The following TBCE variants were observed in gnomAD, a reference collection of about 807,000 sequenced individuals.
The protein encoded by TBCE is tubulin folding cofactor E.
A neutral mutation model predicts 77.0 loss-of-function variants in TBCE; 53 were observed. The ratio of observed to expected loss-of-function variants is 0.69; its 90% CI spans 0.55 to 0.87. TBCE has a LOEUF of 0.87. Among genes scored for constraint, TBCE ranks in the 40% least tolerant of loss-of-function variants. The pLI is 0.00. For missense variants in TBCE, 624 were observed against 622.4 expected, an observed-to-expected ratio of 1.00 and a Z score of -0.03; for synonymous variants, 235 against 241.3, an observed-to-expected ratio of 0.97 and a Z score of 0.24.
chr1:235,439,750 A>C (rs1681717200), intron 13 of TBCE, among the ~76,000 whole-genome samples: 1 of 151,680 alleles, frequency 6.6e-6, no homozygotes, highest in South Asian at 2.1e-4. Context: ...GGCCTGTCAA[A>C]GTGCTGAGAT....
At chr1:235,422,794 A>G (rs1680472072) in intron 5 of TBCE, among the ~76,000 whole-genome samples, 1 of 152,114 alleles carries the variant, frequency 6.6e-6, no homozygotes, top group Non-Finnish European at 1.5e-5. Context: ...GCGCCATTGC[A>G]CTCCAGCCTG....
intron 2 of TBCE, among the ~76,000 whole-genome samples, chr1:235,387,941 A>G (rs1407441712): frequency 6.6e-6 from 1 of 152,166 alleles, no homozygotes. Context: ...GATGCACAAT[A>G]AGGTTTGGTG....
At chr1:235,376,254 GCTTC>G (rs978750933) in intron 1 of TBCE, among the ~76,000 whole-genome samples, 1 of 152,090 alleles carries the variant, frequency 6.6e-6, no homozygotes, top group African/African-American at 2.4e-5. Context: ...AATGAGAATG[GCTTC>G]CTAGTGTCTT....
intron 2 of TBCE, among the ~76,000 whole-genome samples, chr1:235,391,323 A>G (rs1156939277): frequency 6.6e-6 from 1 of 151,880 alleles, no homozygotes; most frequent in Non-Finnish European, 1.5e-5. Flanking sequence ...CTCTACTAAC[A>G]GTACAAAAAA....
At chr1:235,397,098 C>T (rs899187442) in intron 2 of TBCE, among the ~76,000 whole-genome samples, 12 of 152,006 alleles carry the variant, frequency 7.9e-5, no homozygotes, top group Admixed American at 6.6e-4. Flanking sequence ...CCTTAGCCTT[C>T]CGAGTAGCTG....
chr1:235,448,017 TG>T (rs1199892448), intron 15 of TBCE, among the ~76,000 whole-genome samples: 2 of 152,074 alleles, frequency 1.3e-5, no homozygotes, highest in African/African-American at 4.8e-5. Flanking sequence ...AAGACCAGCC[TG>T]GCCAACATGG....
chr1:235,443,153 C>A (rs1342079326), intron 15 of TBCE, among the ~76,000 whole-genome samples: 1 of 151,036 alleles, frequency 6.6e-6, no homozygotes, highest in African/African-American at 2.5e-5. Context: ...ATTGGAAGCC[C>A]CTGCATATAA....
intron 15 of TBCE, 21 bp from the exon 16 acceptor site, chr1:235,448,328 A>ACTTTT: frequency 1.2e-6 from 2 of 1,609,780 alleles, no homozygotes; most frequent in African/African-American, 2.7e-5. Flanking sequence ...GAACGAATGG[A>ACTTTT]CTTTTCTTGT....
At chr1:235,434,456 A>G (rs1681294920) in intron 8 of TBCE, among the ~76,000 whole-genome samples, 176 bp downstream of exon 8, 1 of 152,222 alleles carries the variant, frequency 6.6e-6, no homozygotes, top group Non-Finnish European at 1.5e-5. Flanking sequence ...GTTCTAATCA[A>G]AGGAAACTCA....
At chr1:235,404,895 C>T (rs1022062392) in intron 3 of TBCE, among the ~76,000 whole-genome samples, 4 of 151,056 alleles carry the variant, frequency 2.6e-5, no homozygotes, top group South Asian at 2.1e-4. Context: ...CCCCTGACCT[C>T]GTGATCAACC....
At chr1:235,380,439 TAA>T (rs989359600) in intron 2 of TBCE, among the ~76,000 whole-genome samples, 2 of 152,298 alleles carry the variant, frequency 1.3e-5, no homozygotes, top group South Asian at 4.1e-4. Flanking sequence ...TATAAACAGC[TAA>T]AAGTCTTGAA....
intron 3 of TBCE, among the ~76,000 whole-genome samples, chr1:235,412,881 G>A (rs183938322): frequency 7.9e-5 from 12 of 152,176 alleles, no homozygotes; most frequent in African/African-American, 1.9e-4. Context: ...TTGGCTCACC[G>A]CAACCTCTGC....
intron 2 of TBCE, among the ~76,000 whole-genome samples, chr1:235,382,484 CT>C (rs1328327357): frequency 8.6e-5 from 13 of 151,810 alleles, no homozygotes; most frequent in African/African-American, 3.1e-4. Flanking sequence ...CTGTTGTTTC[CT>C]GACTTTTTAA....
intron 8 of TBCE, among the ~76,000 whole-genome samples, chr1:235,434,615 T>C (rs1360179808): frequency 6.6e-6 from 1 of 151,762 alleles, no homozygotes; most frequent in Non-Finnish European, 1.5e-5. Flanking sequence ...TGGCTCACTG[T>C]AACCTCCGCC....
chr1:235,433,269 G>A, intron 7 of TBCE: 2 of 943,174 alleles, frequency 2.1e-6, no homozygotes, highest in Non-Finnish European at 2.8e-6. Context: ...TGCCTAGGCT[G>A]GAGTGCAGTG....
chr1:235,386,005 A>G (rs1341090437), intron 2 of TBCE, among the ~76,000 whole-genome samples: 1 of 152,144 alleles, frequency 6.6e-6, no homozygotes, highest in African/African-American at 2.4e-5. Flanking sequence ...CTTTTAGGGC[A>G]GGCCTGGTGG....
chr1:235,411,189 G>A (rs1287993063), intron 3 of TBCE, among the ~76,000 whole-genome samples: 1 of 152,214 alleles, frequency 6.6e-6, no homozygotes. Flanking sequence ...GAGATCACTG[G>A]TTGGTTCACA....
chr1:235,408,104 G>A (rs1345081497), intron 3 of TBCE, among the ~76,000 whole-genome samples: 1 of 152,184 alleles, frequency 6.6e-6, no homozygotes, highest in Non-Finnish European at 1.5e-5. Flanking sequence ...GTTCCAGCCT[G>A]TGTCTGTGGT....
intron 1 of TBCE, among the ~76,000 whole-genome samples, chr1:235,376,062 A>T (rs1462050463): frequency 6.6e-6 from 1 of 151,944 alleles, no homozygotes; most frequent in Non-Finnish European, 1.5e-5. Flanking sequence ...ACAAACAAAA[A>T]CACCTGACTT....
Sources: allele counts gnomAD v4.1 joint callset (sites outside exome capture counted in the v4.1 genomes callset), GRCh38; gene constraint gnomAD v4.1.1; transcripts MANE v1.5; gene names NCBI Gene and HGNC (gene_info 2026-07-23, HGNC 2026-07-21).